PDE7B: variants seen among roughly 807,000 people sequenced by gnomAD.
PDE7B encodes 3',5'-cyclic-AMP phosphodiesterase 7B.
Under a neutral mutation model 56.2 loss-of-function variants are expected in PDE7B, and 29 were observed. The ratio of observed to expected loss-of-function variants is 0.52; its 90% confidence interval spans 0.38 to 0.70. The LOEUF (loss-of-function observed/expected upper bound fraction) is 0.70, where lower values mean the gene tolerates loss of function less well. Ranked by LOEUF, PDE7B falls within the 30% of genes least tolerant of loss-of-function variation. PDE7B has a pLI of 0.00. For synonymous variants in PDE7B, 197 were observed against 196.9 expected (o/e 1.00, Z 0.00); for missense variants, 490 against 565.0 (o/e 0.87, Z 1.35).
At chr6:136,000,152 C>A (rs1775638870) in intron 2 of PDE7B, among the ~76,000 whole-genome samples, 1 of 152,106 alleles carries the variant, frequency 6.6e-6, no homozygotes, top group African/African-American at 2.4e-5. Flanking sequence ...GGATTTTAGA[C>A]CTTTGTCACA....
intron 3 of PDE7B, among the ~76,000 whole-genome samples, chr6:136,136,955 A>C (rs1425344605): frequency 6.6e-6 from 1 of 152,122 alleles, no homozygotes; most frequent in African/African-American, 2.4e-5. Flanking sequence ...ATTCCAATTT[A>C]ATCAACAAAT....
At chr6:135,983,699 C>G (rs1393963633) in intron 2 of PDE7B, among the ~76,000 whole-genome samples, 1 of 152,290 alleles carries the variant, frequency 6.6e-6, no homozygotes, top group Non-Finnish European at 1.5e-5. Context: ...TTTCTCTAAG[C>G]CTTCCCAAGA....
intron 2 of PDE7B, among the ~76,000 whole-genome samples, chr6:136,042,183 T>C (rs1490052582): frequency 6.6e-6 from 1 of 152,220 alleles, no homozygotes; most frequent in African/African-American, 2.4e-5. Context: ...CCCCAACTGT[T>C]ATCAATAGAA....
chr6:136,048,128 T>C (rs1294658899), intron 2 of PDE7B, among the ~76,000 whole-genome samples: 5 of 150,488 alleles, frequency 3.3e-5, no homozygotes, highest in East Asian at 3.9e-4. Flanking sequence ...AGATGTGATA[T>C]ATAATATACT....
intron 2 of PDE7B, among the ~76,000 whole-genome samples, chr6:136,000,712 A>G (rs1775650851): frequency 6.6e-6 from 1 of 152,186 alleles, no homozygotes; most frequent in South Asian, 2.1e-4. Context: ...CTTTTTGCTT[A>G]AGATTGCCTT....
intron 2 of PDE7B, among the ~76,000 whole-genome samples, chr6:135,987,590 A>T (rs1329304183): frequency 1.3e-5 from 2 of 152,040 alleles, no homozygotes; most frequent in Non-Finnish European, 2.9e-5. Flanking sequence ...ATTCCTGGAG[A>T]TGTCTATCTG....
At chr6:136,099,596 A>T (rs1777527471) in intron 2 of PDE7B, among the ~76,000 whole-genome samples, 1 of 152,118 alleles carries the variant, frequency 6.6e-6, no homozygotes, top group Non-Finnish European at 1.5e-5. Flanking sequence ...GTCTGTTCAT[A>T]TCCTTTGTCC....
chr6:135,939,224 T>C (rs2128198368), intron 1 of PDE7B, among the ~76,000 whole-genome samples: 1 of 152,338 alleles, frequency 6.6e-6, no homozygotes, highest in East Asian at 1.9e-4. Flanking sequence ...CCCACAGATT[T>C]GCTGTTGATT....
At chr6:135,949,483 G>A (rs1774658311) in intron 2 of PDE7B, among the ~76,000 whole-genome samples, 1 of 152,010 alleles carries the variant, frequency 6.6e-6, no homozygotes, top group African/African-American at 2.4e-5. Flanking sequence ...TCTAAAATTA[G>A]AAATGCATTT....
intron 3 of PDE7B, among the ~76,000 whole-genome samples, chr6:136,135,976 A>G (rs986528788): frequency 6.6e-6 from 1 of 152,112 alleles, no homozygotes; most frequent in Non-Finnish European, 1.5e-5. Context: ...AATTTCTTAA[A>G]GTAGTCTATA....
chr6:136,078,970 A>T (rs1777164189), intron 2 of PDE7B, among the ~76,000 whole-genome samples: 1 of 152,166 alleles, frequency 6.6e-6, no homozygotes, highest in Non-Finnish European at 1.5e-5. Context: ...ATGCAATTTT[A>T]TAATGGGATT....
chr6:136,059,936 G>A (rs1776808264), intron 2 of PDE7B, among the ~76,000 whole-genome samples: 2 of 152,192 alleles, frequency 1.3e-5, no homozygotes, highest in African/African-American at 4.8e-5. Flanking sequence ...CAAGCTTGGA[G>A]AGGGATAGGA....
At chr6:136,058,032 C>T (rs9376175) in intron 2 of PDE7B, among the ~76,000 whole-genome samples, 59,089 of 151,974 alleles carry the variant, frequency 0.39, 11,572 homozygotes, top group South Asian at 0.49. Flanking sequence ...GCACTGCGCC[C>T]GCCTCTGCTC....
chr6:136,195,305 G>A lies in PDE7B; in HGVS notation c.*3465G>A, dbSNP rs1402803683. The A allele has an allele frequency of 6.6e-6, 1 of 151,952 alleles. No individual in the cohort carries two copies. Among genetic ancestry groups the A allele is most frequent in the Non-Finnish European group, 1.5e-5 (1 of 68,016 alleles). The allele number at this position is 151,952 out of a possible 1,614,324, so 9.4% of individuals were successfully genotyped here. A position where few individuals can be genotyped will look rare whatever the true frequency, so the allele number is the denominator to read the frequency against. On this transcript the variant is annotated 3_prime_UTR_variant, in exon 13 of 13. Coordinates refer to ENST00000308191, the MANE Select transcript of PDE7B (RefSeq NM_018945.4). ...CAGATAGTGCTTCCTACAAAACTAGGTCTTGTTTTGTAATCTTTTCTCGTG... is the reference window on the plus strand; with the variant it reads ...CAGATAGTGCTTCCTACAAAACTAGATCTTGTTTTGTAATCTTTTCTCGTG...
chr6:135,983,837 A>G (rs566070029), intron 2 of PDE7B, among the ~76,000 whole-genome samples: 8 of 152,232 alleles, frequency 5.3e-5, no homozygotes, highest in Non-Finnish European at 7.3e-5. Context: ...TCTTGTACCC[A>G]GTGGCACGAA....
intron 2 of PDE7B, among the ~76,000 whole-genome samples, chr6:136,015,035 G>T (rs1775954242): frequency 6.6e-6 from 1 of 152,244 alleles, no homozygotes; most frequent in Non-Finnish European, 1.5e-5. Context: ...GCGTGTACGT[G>T]TGCAAGCACA....
At position 136,147,359 on chromosome 6, in the gene PDE7B, T is replaced by C. The variant is rs988879060; in HGVS notation, c.175T>C (p.Tyr59His). ...IDFRLLNSTT[Y>H]SGEIGTKKKV... ...TTGATGACTTTCCACAGGTACAACATACTCAGGGGAGATTGGCACCAAGAA... is the reference window on the plus strand; with the variant it reads ...TTGATGACTTTCCACAGGTACAACACACTCAGGGGAGATTGGCACCAAGAA... The change falls in exon 4 of 13, where the codon TAC becomes CAC. Residue 59 changes from tyrosine to histidine, a missense_variant. Coordinates refer to ENST00000308191, the MANE Select transcript of PDE7B (RefSeq NM_018945.4). 11 of 1,610,132 alleles carry C rather than the reference T, an allele frequency of 6.8e-6. No homozygotes were observed. Among genetic ancestry groups the C allele is most frequent in the East Asian group, 4.5e-5 (2 of 44,842 alleles).
intron 1 of PDE7B, among the ~76,000 whole-genome samples, chr6:135,887,551 C>T (rs1775731809): frequency 6.6e-6 from 1 of 152,104 alleles, no homozygotes; most frequent in Admixed American, 6.6e-5. Flanking sequence ...ACTAAATATA[C>T]ACTTAAGTTT....
rs560793563 is a variant in PDE7B, at chr6:136,057,609, T to C, written c.83-51122T>C. ...TAAATCCTTAGTTAAAAGGAGAAGT[T>C]TGTGTTCTGATTTTTGAGTTGTCAA... On this transcript the variant is annotated intron_variant, in intron 2 of 12. Transcript: ENST00000308191. 9.8e-5 allele frequency among the ~76,000 whole-genome samples: 15 copies of C among 152,322 alleles called. No individual in the cohort carries two copies. The South Asian group carries it at 1.9e-3, about 19-fold the overall frequency.
Sources: gnomAD v4.1 joint callset for allele counts (sites outside exome capture counted in the v4.1 genomes callset) on GRCh38, gnomAD v4.1.1 for gene constraint, MANE v1.5 for transcripts, NCBI Gene and HGNC (gene_info 2026-07-23, HGNC 2026-07-21) for gene names.